NRG3: variants seen among roughly 807,000 people sequenced by gnomAD.
The protein encoded by NRG3 is neuregulin 3.
NRG3 carries 31 observed loss-of-function variants against 66.9 expected under a neutral mutation model. The observed-to-expected ratio is 0.46, with a 90% CI of 0.35 to 0.63. The LOEUF (loss-of-function observed/expected upper bound fraction) is 0.63, where lower values mean the gene tolerates loss of function less well. Among genes scored for constraint, NRG3 ranks in the 20% least tolerant of loss-of-function variants. NRG3 has a pLI of 0.00. For synonymous variants in NRG3, 393 were observed against 359.4 expected (o/e 1.09, Z -1.06); for missense variants, 910 against 878.9 (o/e 1.04, Z -0.45).
intron 1 of NRG3, among the ~76,000 whole-genome samples, chr10:82,314,979 A>G (rs1393813914): frequency 6.6e-6 from 1 of 152,162 alleles, no homozygotes; most frequent in East Asian, 1.9e-4. Flanking sequence ...GATAAATTTG[A>G]CAATCTCTAG....
At chr10:82,065,259 A>G (rs910567234) in intron 1 of NRG3, among the ~76,000 whole-genome samples, 4 of 152,174 alleles carry the variant, frequency 2.6e-5, no homozygotes, top group African/African-American at 9.7e-5. Context: ...GATGCTTGTT[A>G]TTAGAATAAA....
chr10:82,023,073 A>G (rs1176582609), intron 1 of NRG3, among the ~76,000 whole-genome samples: 1 of 151,568 alleles, frequency 6.6e-6, no homozygotes, highest in Admixed American at 6.6e-5. Context: ...TCTTCCAGCT[A>G]TTTCAAAATA....
intron 2 of NRG3, among the ~76,000 whole-genome samples, chr10:82,601,034 AAC>A (rs1171136638): frequency 6.6e-5 from 10 of 152,138 alleles, no homozygotes; most frequent in Non-Finnish European, 1.2e-4. Flanking sequence ...TATAAACAAG[AAC>A]ACACACTATT....
intron 4 of NRG3, among the ~76,000 whole-genome samples, chr10:82,904,519 C>G (rs1345432702): frequency 6.6e-6 from 1 of 152,140 alleles, no homozygotes; most frequent in Non-Finnish European, 1.5e-5. Flanking sequence ...AAGTGAAGTT[C>G]TAGAGGTAGC....
At chr10:82,686,071 AC>A (rs1387728301) in intron 2 of NRG3, among the ~76,000 whole-genome samples, 1 of 152,216 alleles carries the variant, frequency 6.6e-6, no homozygotes, top group African/African-American at 2.4e-5. Context: ...ATACTCTAAA[AC>A]AACCATAAAA....
chr10:82,004,954 A>T (rs564700969), intron 1 of NRG3, among the ~76,000 whole-genome samples: 1 of 152,350 alleles, frequency 6.6e-6, no homozygotes, highest in Non-Finnish European at 1.5e-5. Flanking sequence ...GTGTTTTCTT[A>T]CGGCAGCCCT....
At chr10:81,901,638 A>G (rs1282206163) in intron 1 of NRG3, among the ~76,000 whole-genome samples, 1 of 152,192 alleles carries the variant, frequency 6.6e-6, no homozygotes, top group East Asian at 1.9e-4. Context: ...ACTGCATTCC[A>G]GCCTAGGCAA....
intron 1 of NRG3, among the ~76,000 whole-genome samples, chr10:81,989,140 C>G (rs376885994): frequency 2.0e-5 from 3 of 152,110 alleles, no homozygotes; most frequent in African/African-American, 7.2e-5. Context: ...ACCCTTATTT[C>G]TGGCTATAGG....
chr10:82,339,589 A>C (rs1742828880), intron 1 of NRG3, among the ~76,000 whole-genome samples: 1 of 152,124 alleles, frequency 6.6e-6, no homozygotes, highest in South Asian at 2.1e-4. Flanking sequence ...TCAAGATGAG[A>C]TTTGGGTGGG....
At chr10:82,195,835 C>T (rs1476645198) in intron 1 of NRG3, among the ~76,000 whole-genome samples, 1 of 152,146 alleles carries the variant, frequency 6.6e-6, no homozygotes, top group Non-Finnish European at 1.5e-5. Context: ...ATGAAAAGGA[C>T]TCGACTGGCC....
chr10:82,917,968 G>GTATATA lies in NRG3; in HGVS notation c.1055-33500_1055-33499insATATAT, dbSNP rs1419038422. On this transcript the variant is annotated intron_variant, in intron 4 of 8. Transcript: ENST00000372141. ...TGTGGGATTGTGTGTGTGTGTGTGT[G>GTATATA]TGTATATATATATATATATATATAT... is the stretch of plus-strand genomic sequence containing the variant. 2.2e-3 allele frequency among the ~76,000 whole-genome samples: 212 copies of GTATATA among 97,268 alleles called. 2 individuals carry two copies. The highest frequency in any genetic ancestry group is 7.2e-3 in the African/African-American group (191 of 26,662). 63.8% of individuals were successfully genotyped at this position (97,268 alleles called of 152,430 possible).
In NRG3 at chr10:82,316,331, C is replaced by A. The variant is rs868236528; in HGVS notation, c.824-42408C>A. ...TGTTGGGAACGACTGCATTAACAAT[C>A]ATAAATTAAGTATACAATTTGTTTT... is the stretch of plus-strand genomic sequence containing the variant. On this transcript the variant is annotated intron_variant, in intron 1 of 8. Coordinates refer to ENST00000372141, the MANE Select transcript of NRG3 (RefSeq NM_001010848.4). Among the ~76,000 whole-genome samples the A allele has an allele frequency of 3.9e-5, 6 of 152,116 alleles. No individual in the cohort carries two copies. The South Asian group carries it at 6.2e-4, about 16-fold the overall frequency.
chr10:82,966,404 G>T (rs1301845182), intron 6 of NRG3, among the ~76,000 whole-genome samples: 1 of 152,026 alleles, frequency 6.6e-6, no homozygotes, highest in East Asian at 1.9e-4. Flanking sequence ...CTTTTCTTAT[G>T]ATTACATGGG....
rs1024420888 is a variant in NRG3, at chr10:82,245,926, T to G, written c.824-112813T>G. 9.2e-5 allele frequency among the ~76,000 whole-genome samples: 14 copies of G among 152,104 alleles called. 1 individual carries two copies. The highest frequency in any genetic ancestry group is 6.2e-4 in the South Asian group (3 of 4,820). ...TATCCTACTTTACACTTTGAAAAAT[T>G]TGTGCAAATGCCATGATTGTAGCAT... On this transcript the variant is annotated intron_variant, in intron 1 of 8. Coordinates refer to ENST00000372141, the MANE Select transcript of NRG3 (RefSeq NM_001010848.4).
intron 1 of NRG3, among the ~76,000 whole-genome samples, chr10:82,158,085 T>C (rs963319268): frequency 6.6e-6 from 1 of 151,644 alleles, no homozygotes; most frequent in Non-Finnish European, 1.5e-5. Flanking sequence ...GAAAACATGA[T>C]CTCCATTTAA....
chr10:82,737,675 A>G (rs887093535), intron 2 of NRG3, among the ~76,000 whole-genome samples: 5 of 151,976 alleles, frequency 3.3e-5, no homozygotes, highest in African/African-American at 7.3e-5. Context: ...CCACCTCCCC[A>G]CTTAACAAGG....
chr10:82,396,317 G>A (rs2086711837), intron 2 of NRG3, among the ~76,000 whole-genome samples: 1 of 152,032 alleles, frequency 6.6e-6, no homozygotes, highest in Non-Finnish European at 1.5e-5. Flanking sequence ...GCTGCATAAT[G>A]GAAGCTCCCA....
chr10:82,575,327 A>C (rs1356044247), intron 2 of NRG3, among the ~76,000 whole-genome samples: 1 of 151,792 alleles, frequency 6.6e-6, no homozygotes, highest in Non-Finnish European at 1.5e-5. Flanking sequence ...AGCATAAGAA[A>C]AAAAGAAGAA....
At chr10:82,423,709 T>C (rs2089231735) in intron 2 of NRG3, among the ~76,000 whole-genome samples, 1 of 151,992 alleles carries the variant, frequency 6.6e-6, no homozygotes, top group Non-Finnish European at 1.5e-5. Flanking sequence ...CATTTAAAGG[T>C]GTTGATATTC....
Sources: allele counts gnomAD v4.1 joint callset (sites outside exome capture counted in the v4.1 genomes callset), GRCh38; gene constraint gnomAD v4.1.1; transcripts MANE v1.5; gene names NCBI Gene and HGNC (gene_info 2026-07-23, HGNC 2026-07-21).